PTPRD: variants seen among roughly 807,000 people sequenced by gnomAD.
PTPRD encodes protein tyrosine phosphatase receptor type D.
Under a neutral mutation model 214.5 loss-of-function variants are expected in PTPRD, and 34 were observed. That is an observed-to-expected ratio of 0.16 (90% CI 0.12 to 0.21). The LOEUF (loss-of-function observed/expected upper bound fraction) is 0.21. Among genes scored for constraint, PTPRD ranks in the 10% least tolerant of loss-of-function variants. The probability of loss-of-function intolerance (pLI) is 1.00; values close to 1 mark genes in which losing one functional copy is unlikely to be tolerated. For missense variants in PTPRD, 2,545 were observed against 2,398.7 expected (o/e 1.06, Z -1.27); for synonymous variants, 1,128 against 845.7 (o/e 1.33, Z -5.79).
chr9:8,961,000 C>T (rs938967498), intron 11 of PTPRD, among the ~76,000 whole-genome samples: 1 of 152,036 alleles, frequency 6.6e-6, no homozygotes, highest in Non-Finnish European at 1.5e-5. Context: ...CTTTAAGGCA[C>T]TCATTGTCTA....
At chr9:9,597,983 G>A (rs2093481090) in intron 7 of PTPRD, among the ~76,000 whole-genome samples, 1 of 151,836 alleles carries the variant, frequency 6.6e-6, no homozygotes, top group South Asian at 2.1e-4. Flanking sequence ...AAGATTAAAT[G>A]CAAAAACCAT....
chr9:8,549,796 A>T (rs1283205175), intron 14 of PTPRD, among the ~76,000 whole-genome samples: 2 of 152,200 alleles, frequency 1.3e-5, no homozygotes, highest in African/African-American at 4.8e-5. Flanking sequence ...AGCTTAGGAT[A>T]TTGAGCCAAT....
rs190745626 is a variant in PTPRD at position 10,246,557 on chromosome 9, A to G, written c.-545+94406T>C. 1.3e-3 allele frequency among the ~76,000 whole-genome samples: 191 copies of G among 152,254 alleles called. 7 individuals carry two copies. In the South Asian group the frequency reaches 0.038, roughly 30 times the overall value. The stretch of plus-strand genomic sequence containing the variant: ...CGCACCTGGCCAAGATACATGTTTT[A>G]AAATAGTTCTAATTCCTGCAGAGTT... On this transcript the variant is annotated intron_variant, in intron 3 of 45. Transcript: ENST00000381196.
chr9:9,569,296 T>C (rs1346472751), intron 8 of PTPRD, among the ~76,000 whole-genome samples: 1 of 151,600 alleles, frequency 6.6e-6, no homozygotes, highest in African/African-American at 2.4e-5. Context: ...AAAAGGTATT[T>C]AAAGGGAAGA....
chr9:10,479,628 CATAAATAA>C (rs879459258), intron 2 of PTPRD, among the ~76,000 whole-genome samples: 3 of 101,782 alleles, frequency 2.9e-5, no homozygotes, highest in African/African-American at 1.1e-4. Flanking sequence ...AAAAAGAAAA[CATAAATAA>C]ATAAATAAAT....
At chr9:8,594,100 A>T (rs1010004965) in intron 14 of PTPRD, among the ~76,000 whole-genome samples, 2 of 152,180 alleles carry the variant, frequency 1.3e-5, no homozygotes, top group Non-Finnish European at 2.9e-5. Context: ...AGTAATTTCC[A>T]CTAATTCTAG....
At chr9:8,352,432 C>G (rs1239902242) in intron 39 of PTPRD, among the ~76,000 whole-genome samples, 1 of 152,126 alleles carries the variant, frequency 6.6e-6, no homozygotes, top group Non-Finnish European at 1.5e-5. Flanking sequence ...GTAAACCATA[C>G]CAGCTCACTC....
chr9:8,332,110 AAATGGAACATATATATTCC>A (rs1338799841), intron 43 of PTPRD, among the ~76,000 whole-genome samples: 2 of 132,436 alleles, frequency 1.5e-5, no homozygotes, highest in African/African-American at 6.9e-5. Flanking sequence ...GGAACATATA[AAATGGAACATATATATTCC>A]ATTTCAAAAA....
intron 12 of PTPRD, among the ~76,000 whole-genome samples, chr9:8,692,991 A>G (rs1438966927): frequency 6.6e-6 from 1 of 152,246 alleles, no homozygotes; most frequent in African/African-American, 2.4e-5. Context: ...TCCAAAGATT[A>G]GCAAAATGTA....
At chr9:9,487,290 T>C (rs983370525) in intron 8 of PTPRD, among the ~76,000 whole-genome samples, 10 of 147,630 alleles carry the variant, frequency 6.8e-5, no homozygotes, top group African/African-American at 2.5e-4. Context: ...AATTCCCACC[T>C]ATGAGTGAGA....
intron 3 of PTPRD, among the ~76,000 whole-genome samples, chr9:10,200,470 G>C (rs1012926429): frequency 2.6e-5 from 4 of 152,024 alleles, no homozygotes; most frequent in Non-Finnish European, 5.9e-5. Flanking sequence ...CAAGAAGAAA[G>C]AATTATCTAG....
At chr9:8,414,971 G>GAC (rs1554900671) in intron 35 of PTPRD, among the ~76,000 whole-genome samples, 7 of 144,786 alleles carry the variant, frequency 4.8e-5, no homozygotes, top group Admixed American at 6.9e-5. Flanking sequence ...GAGAGAGAGA[G>GAC]AGACAGACAG....
Position 8,817,635 on chromosome 9 carries a change from GTAAAATAAAA to G in PTPRD, c.-103-83699_-103-83690del, listed in dbSNP as rs971972046. Among the ~76,000 whole-genome samples the G allele has an allele frequency of 2.5e-4, 38 of 152,024 alleles. 1 individual carries two copies. In the East Asian group the frequency reaches 6.6e-3, roughly 26 times the overall value. On this transcript the variant is annotated intron_variant, in intron 11 of 45. Coordinates refer to ENST00000381196, the MANE Select transcript of PTPRD (RefSeq NM_002839.4). ...GACACAGCAAGCCCCTGTCTCTAAAGTAAAATAAAATAAAACAAAACAAAACAAAATAAAA... is the reference window on the plus strand; with the variant it reads ...GACACAGCAAGCCCCTGTCTCTAAAGTAAAACAAAACAAAACAAAATAAAA...
At chr9:10,119,874 T>C (rs2098761217) in intron 3 of PTPRD, among the ~76,000 whole-genome samples, 2 of 151,994 alleles carry the variant, frequency 1.3e-5, no homozygotes, top group African/African-American at 4.8e-5. Context: ...TCAGAAAACG[T>C]AGGAGGGCAT....
intron 2 of PTPRD, among the ~76,000 whole-genome samples, chr9:10,435,569 T>C (rs1405429924): frequency 6.6e-6 from 1 of 151,874 alleles, no homozygotes; most frequent in Non-Finnish European, 1.5e-5. Flanking sequence ...CTGTTATAAA[T>C]CACTACTTCA....
intron 4 of PTPRD, among the ~76,000 whole-genome samples, chr9:9,987,305 C>T (rs1484182989): frequency 1.3e-5 from 2 of 151,994 alleles, no homozygotes; most frequent in African/African-American, 4.8e-5. Context: ...CTGTGTTGTC[C>T]ATTTTCACAC....
At chr9:9,642,800 G>C (rs146135541) in intron 7 of PTPRD, among the ~76,000 whole-genome samples, 2 of 152,218 alleles carry the variant, frequency 1.3e-5, no homozygotes, top group African/African-American at 4.8e-5. Flanking sequence ...TTGCAAAACA[G>C]GTATTATTAT....
At chr9:9,770,471 T>C (rs1597328626) in intron 5 of PTPRD, among the ~76,000 whole-genome samples, 1 of 152,192 alleles carries the variant, frequency 6.6e-6, no homozygotes, top group Non-Finnish European at 1.5e-5. Context: ...GTATTAGTTA[T>C]ATAAAGATGC....
intron 39 of PTPRD, among the ~76,000 whole-genome samples, chr9:8,370,737 A>C (rs1275541616): frequency 3.3e-5 from 5 of 152,040 alleles, no homozygotes; most frequent in Non-Finnish European, 5.9e-5. Context: ...AAATGCCCCC[A>C]AAGGGACAGC....
Sources: allele counts gnomAD v4.1 joint callset (sites outside exome capture counted in the v4.1 genomes callset), GRCh38; gene constraint gnomAD v4.1.1; transcripts MANE v1.5; gene names NCBI Gene and HGNC (gene_info 2026-07-23, HGNC 2026-07-21).